The following NBPF26 variants were observed in gnomAD, a reference collection of about 807,000 sequenced individuals.
NBPF26 encodes NBPF member 26.
NBPF26 carries 79 observed loss-of-function variants against 119.6 expected under a neutral mutation model. The observed-to-expected ratio is 0.66, with a 90% CI of 0.55 to 0.80. The LOEUF is 0.80. NBPF26 is among the 30% of genes least tolerant of loss of function. The pLI is 0.00. For synonymous variants in NBPF26, 299 were observed against 457.7 expected (o/e 0.65, Z 4.43); for missense variants, 800 against 1,198.2 (o/e 0.67, Z 4.91).
chr1:120,807,003 A>G (rs1651708176), intron 5 of NBPF26, among the ~76,000 whole-genome samples: 1 of 129,398 alleles, frequency 7.7e-6, no homozygotes, highest in Non-Finnish European at 1.6e-5. Flanking sequence ...AAATTAACAC[A>G]ACTAATCTAA....
chr1:120,840,646 A>C, downstream of NBPF26: 1 of 1,447,800 alleles, frequency 6.9e-7, no homozygotes, highest in Non-Finnish European at 9.2e-7. Context: ...ACCTATAGGC[A>C]CGTGAAGATT....
intron 3 of NBPF26, among the ~76,000 whole-genome samples, chr1:120,791,446 A>G (rs1362664477): frequency 9.5e-6 from 1 of 105,224 alleles, no homozygotes; most frequent in East Asian, 2.3e-4. Flanking sequence ...GCACATATAC[A>G]CCATGGAATA....
At position 120,824,107 on chromosome 1, in the gene NBPF26, T is replaced by C; in HGVS notation, c.2773T>C (p.Leu925=). ...GCCCTACAGAAGTGCCTTTTACGTA[T>C]TGGAGCAACAGCGTGTTGGCTTGGC... Residue 925 remains leucine (L), a synonymous_variant, in exon 18 of 30, where the codon TTG becomes CTG. Coordinates refer to ENST00000620612, the Ensembl canonical transcript of NBPF26. The C allele has an allele frequency of 8.7e-6, 4 of 457,164 alleles. 1 individual carries two copies. The highest frequency in any genetic ancestry group is 1.1e-5 in the Non-Finnish European group (3 of 271,706). 28.3% of individuals were successfully genotyped at this position (457,164 alleles called of 1,614,324 possible).
intron 10 of NBPF26, 99 bp from the exon 11 acceptor site, chr1:120,813,792 G>GT: frequency 3.5e-6 from 2 of 572,784 alleles, no homozygotes; most frequent in Non-Finnish European, 6.1e-6. Flanking sequence ...ACTGGGGAGA[G>GT]TTTTGTCCTT....
At chr1:120,793,389 G>A in exon 4 of NBPF26, 1 of 1,436,808 alleles carries the variant, frequency 7.0e-7, no homozygotes, top group Non-Finnish European at 9.3e-7. Context: ...GGCTTCACAG[G>A]CCAGTACTGT....
Position 120,840,455 on chromosome 1 carries a change from C to T in NBPF26, c.4209C>T (p.Phe1403=). 3 of 1,476,988 alleles carry T rather than the reference C, an allele frequency of 2.0e-6. 1 individual carries two copies. The highest frequency in any genetic ancestry group is 3.8e-5 in the African/African-American group (2 of 52,434). 91.5% of individuals were successfully genotyped at this position (1,476,988 alleles called of 1,614,324 possible). ...TGTACTTTGAACTACCTGACTCATT[C>T]CAGCACTACAGAAGTGTGTTTTACT... The change falls in exon 30 of 30, where the codon TTC becomes TTT. Residue 1403 remains phenylalanine (F), a synonymous_variant. Coordinates refer to ENST00000620612, the Ensembl canonical transcript of NBPF26.
At chr1:120,807,872 T>C (rs1232246478) in intron 6 of NBPF26, among the ~76,000 whole-genome samples, 163 bp downstream of exon 6, 1 of 119,432 alleles carries the variant, frequency 8.4e-6, no homozygotes, top group Non-Finnish European at 1.7e-5. Context: ...AGAAGGAGGA[T>C]AGTAAAAATG....
In NBPF26 at chr1:120,817,122, C is replaced by T. The variant is rs1323895630; in HGVS notation, c.2371+295C>T. Reference sequence around the variant, plus strand: ...GCTTCGATTCAATATCTCTTGTCATCTGTGATTAAGTCATCTGTCCCTGAA... The same window carrying T: ...GCTTCGATTCAATATCTCTTGTCATTTGTGATTAAGTCATCTGTCCCTGAA... On this transcript the variant is annotated intron_variant, in intron 14 of 29. Transcript: ENST00000620612. Among the ~76,000 whole-genome samples, 2 of 116,422 alleles carry T rather than the reference C, an allele frequency of 1.7e-5. 1 individual carries two copies. The highest frequency in any genetic ancestry group is 3.3e-5 in the Non-Finnish European group (2 of 60,912). 76.4% of individuals were successfully genotyped at this position (116,422 alleles called of 152,430 possible). A position where few individuals can be genotyped will look rare whatever the true frequency, so the allele number is the denominator to read the frequency against.
rs1651245521 is a variant in NBPF26, at chr1:120,770,109, G to C, written c.155+6400G>C. ...GATCTAGTATGGTTCAGCCTGCACT[G>C]GTGAGTGGAGTAAGGGTCCTGGAAG... On this transcript the variant is annotated intron_variant, in intron 2 of 29. Transcript: ENST00000620612. Among the ~76,000 whole-genome samples the C allele has an allele frequency of 2.8e-5, 3 of 107,756 alleles. No homozygotes were observed. The South Asian group carries it at 8.7e-4, about 31-fold the overall frequency. 70.7% of individuals were successfully genotyped at this position (107,756 alleles called of 152,430 possible). A position where few individuals can be genotyped will look rare whatever the true frequency, so the allele number is the denominator to read the frequency against.
Position 120,763,681 on chromosome 1 carries a change from A to G in NBPF26, c.127A>G (p.Thr43Ala). ...CTGTGTAAATAAAGGAATGTGTGTT[A>G]CCTACCACAGTGGCACAGGATACTG... is the stretch of plus-strand genomic sequence containing the variant. Residue 43 changes from threonine to alanine, a missense_variant, in exon 2 of 30, where the codon ACC becomes GCC. Physicochemically the swap from Thr to Ala is moderately conservative, Grantham distance 58. This residue lies in a region of NBPF26 where 209 missense variants were observed against 285.2 expected (regional missense o/e 0.73). Coordinates refer to ENST00000620612, the Ensembl canonical transcript of NBPF26. 8 of 1,412,200 alleles carry G rather than the reference A, an allele frequency of 5.7e-6. 3 individuals are homozygous for G. Among genetic ancestry groups the G allele is most frequent in the Admixed American group, 3.9e-5 (2 of 50,736 alleles). The allele number at this position is 1,412,200 out of a possible 1,614,324, so 87.5% of individuals were successfully genotyped here.
Position 120,765,025 on chromosome 1 carries a change from T to G in NBPF26, c.155+1316T>G, listed in dbSNP as rs1254550196. On this transcript the variant is annotated intron_variant, in intron 2 of 29. Coordinates refer to ENST00000620612, the Ensembl canonical transcript of NBPF26. ...TTTTTCAAGTCAGAAATAATTTTCT[T>G]CACTAAAGTGAAAATATTTTAAGCT... Among the ~76,000 whole-genome samples the G allele has an allele frequency of 8.6e-5, 8 of 92,834 alleles. 1 individual carries two copies. Among genetic ancestry groups the G allele is most frequent in the Non-Finnish European group, 1.4e-4 (7 of 50,286 alleles). The allele number at this position is 92,834 out of a possible 152,430, so 60.9% of individuals were successfully genotyped here.
In NBPF26 at chr1:120,823,677, T is replaced by C. The variant is rs1652180264; in HGVS notation, c.2640-297T>C. Among the ~76,000 whole-genome samples, 4 of 122,524 alleles carry C rather than the reference T, an allele frequency of 3.3e-5. 1 individual carries two copies. Among genetic ancestry groups the C allele is most frequent in the South Asian group, 4.9e-4 (2 of 4,052 alleles). 80.4% of individuals were successfully genotyped at this position (122,524 alleles called of 152,430 possible). On this transcript the variant is annotated intron_variant, in intron 17 of 29. Coordinates refer to ENST00000620612, the Ensembl canonical transcript of NBPF26. Reference sequence around the variant, plus strand: ...TTTCATGATCACTGTTCACTGTGTGTCCTGAGAGCACAAATACAGAGTGTC... The same window carrying C: ...TTTCATGATCACTGTTCACTGTGTGCCCTGAGAGCACAAATACAGAGTGTC...
intron 5 of NBPF26, among the ~76,000 whole-genome samples, chr1:120,807,379 A>T (rs1176959573): frequency 1.6e-5 from 2 of 124,670 alleles, no homozygotes; most frequent in Non-Finnish European, 3.3e-5. Flanking sequence ...TCATCTTGTC[A>T]ACTTCCTTGA....
rs1482590804 is a variant in NBPF26, at chr1:120,778,441, A to G, written c.156-6533A>G. 1.1e-4 allele frequency among the ~76,000 whole-genome samples: 12 copies of G among 111,886 alleles called. 1 individual carries two copies. Among genetic ancestry groups the G allele is most frequent in the Non-Finnish European group, 1.8e-4 (11 of 59,638 alleles). 73.4% of individuals were successfully genotyped at this position (111,886 alleles called of 152,430 possible). A position where few individuals can be genotyped will look rare whatever the true frequency, so the allele number is the denominator to read the frequency against. ...AGCAGCTTCAGTGCCGACGCAACCC[A>G]CATGAGACTTTTTTTTCCCCTTCGT... On this transcript the variant is annotated intron_variant, in intron 2 of 29. Coordinates refer to ENST00000620612, the Ensembl canonical transcript of NBPF26.
At chr1:120,724,825 G>A (rs1357450155) in intron 1 of NBPF26, among the ~76,000 whole-genome samples, 1 of 90,612 alleles carries the variant, frequency 1.1e-5, no homozygotes, top group Non-Finnish European at 2.1e-5. Context: ...CCGAAAGTCC[G>A]GGGGAGCCGT....
Position 120,812,025 on chromosome 1 carries a change from C to G in NBPF26, c.1704C>G (p.Phe568Leu), listed in dbSNP as rs1392279991. 1.7e-4 allele frequency: 221 copies of G among 1,289,620 alleles called. 46 individuals carry two copies. The highest frequency in any genetic ancestry group is 2.3e-4 in the Non-Finnish European group (213 of 944,604). 79.9% of individuals were successfully genotyped at this position (1,289,620 alleles called of 1,614,324 possible). A position where few individuals can be genotyped will look rare whatever the true frequency, so the allele number is the denominator to read the frequency against. The change falls in exon 10 of 30, where the codon TTC becomes TTG. Residue 568 changes from phenylalanine (F) to leucine (L), a missense_variant. By Grantham distance (22) the Phe-to-Leu change is conservative. Transcript: ENST00000620612. Reference sequence around the variant, plus strand: ...AGCTGGCAGAGAAGAAACAGCAGTTCAGAAACCTCAAAGAGAAATGTTTTC... The same window carrying G: ...AGCTGGCAGAGAAGAAACAGCAGTTGAGAAACCTCAAAGAGAAATGTTTTC...
rs1651882323 is a variant in NBPF26 at position 120,812,066 on chromosome 1, G to C, written c.1745G>C (p.Gly582Ala). Reference sequence around the variant, plus strand: ...AAATGTTTTCTAACTCAACTGGCCGGCTTCCTGGCCAACCAGCAGAACAAA... The same window carrying C: ...AAATGTTTTCTAACTCAACTGGCCGCCTTCCTGGCCAACCAGCAGAACAAA... The change falls in exon 10 of 30, where the codon GGC becomes GCC. Residue 582 changes from glycine (G) to alanine (A), a missense_variant. Physicochemically the swap from Gly to Ala is moderately conservative, Grantham distance 60 (BLOSUM62 0). Transcript: ENST00000620612. 287 of 1,274,786 alleles carry C rather than the reference G, an allele frequency of 2.3e-4. 58 individuals are homozygous for C. In the South Asian group the frequency reaches 3.4e-3, roughly 15 times the overall value. The allele number at this position is 1,274,786 out of a possible 1,614,324, so 79.0% of individuals were successfully genotyped here. A position where few individuals can be genotyped will look rare whatever the true frequency, so the allele number is the denominator to read the frequency against.
At position 120,815,211 on chromosome 1, in the gene NBPF26, T is replaced by A. The variant is rs1238630945; in HGVS notation, c.2092+168T>A. On this transcript the variant is annotated intron_variant, in intron 12 of 29. Coordinates refer to ENST00000620612, the Ensembl canonical transcript of NBPF26. Reference sequence around the variant, plus strand: ...GGTAAGAACAGAGATGGGAAACCCATGGGGTTGGAGGTCACAGTATTGCAA... The same window carrying A: ...GGTAAGAACAGAGATGGGAAACCCAAGGGGTTGGAGGTCACAGTATTGCAA... 1.8e-5 allele frequency among the ~76,000 whole-genome samples: 2 copies of A among 110,424 alleles called. 1 individual carries two copies. Among genetic ancestry groups the A allele is most frequent in the African/African-American group, 1.1e-4 (2 of 17,666 alleles). The allele number at this position is 110,424 out of a possible 152,430, so 72.4% of individuals were successfully genotyped here. A position where few individuals can be genotyped will look rare whatever the true frequency, so the allele number is the denominator to read the frequency against.
At chr1:120,814,757 T>A in intron 11 of NBPF26, 72 bp from the exon 12 acceptor site, 1 of 980,802 alleles carries the variant, frequency 1.0e-6, no homozygotes, top group East Asian at 2.4e-5. Flanking sequence ...GTCTCAGAAA[T>A]CTCTGTTGCA....
Sources: gnomAD v4.1 joint callset for allele counts (sites outside exome capture counted in the v4.1 genomes callset) on GRCh38, gnomAD v4.1.1 for gene constraint, gnomAD v4.1.1 regional missense constraint, MANE v1.5 for transcripts, NCBI Gene and HGNC (gene_info 2026-07-23, HGNC 2026-07-21) for gene names.